ATXN1: variants seen among roughly 807,000 people sequenced by gnomAD.
ATXN1 encodes the protein ataxin 1, also known as ataxin-1.
ATXN1 carries 8 observed loss-of-function variants against 56.4 expected under a neutral mutation model. That is an observed-to-expected ratio of 0.14 (90% CI 0.08 to 0.26). The LOEUF is 0.26. Among genes scored for constraint, ATXN1 ranks in the 10% least tolerant of loss-of-function variants. The pLI, the probability that ATXN1 is intolerant of heterozygous loss-of-function variation, is 1.00. For missense variants in ATXN1, 987 were observed against 1,106.5 expected (o/e 0.89, Z 1.53); for synonymous variants, 514 against 494.6 (o/e 1.04, Z -0.52).
At chr6:16,307,971 T>G (rs1430192673) in intron 7 of ATXN1, among the ~76,000 whole-genome samples, 1 of 152,136 alleles carries the variant, frequency 6.6e-6, no homozygotes, top group East Asian at 1.9e-4. Flanking sequence ...CTGGCTACCA[T>G]GGCAAAACCC....
intron 2 of ATXN1, among the ~76,000 whole-genome samples, chr6:16,745,933 CGTGT>C (rs60773814): frequency 0.23 from 33,359 of 147,020 alleles, 3,912 homozygotes; most frequent in East Asian, 0.38. Flanking sequence ...CTATGCCTTC[CGTGT>C]GTGTGTGTGT....
intron 6 of ATXN1, among the ~76,000 whole-genome samples, chr6:16,447,282 T>C (rs1158442335): frequency 6.6e-6 from 1 of 152,228 alleles, no homozygotes; most frequent in African/African-American, 2.4e-5. Context: ...TAGAGTGCAG[T>C]GGCATGATCT....
At chr6:16,643,496 G>A (rs1002718981) in intron 3 of ATXN1, among the ~76,000 whole-genome samples, 2 of 151,714 alleles carry the variant, frequency 1.3e-5, no homozygotes, top group Admixed American at 1.3e-4. Context: ...AGGTGTTGTC[G>A]TGCACACATG....
At chr6:16,356,656 C>A (rs1269205554) in intron 6 of ATXN1, among the ~76,000 whole-genome samples, 1 of 152,058 alleles carries the variant, frequency 6.6e-6, no homozygotes, top group African/African-American at 2.4e-5. Flanking sequence ...ACAAATGATA[C>A]CAGGAAAGCC....
At chr6:16,343,799 T>C (rs1761312798) in intron 6 of ATXN1, among the ~76,000 whole-genome samples, 1 of 152,200 alleles carries the variant, frequency 6.6e-6, no homozygotes, top group African/African-American at 2.4e-5. Context: ...TACTCAGCTC[T>C]ACCTCTGCAG....
intron 3 of ATXN1, among the ~76,000 whole-genome samples, chr6:16,608,329 G>A (rs1487914267): frequency 6.6e-6 from 1 of 152,178 alleles, no homozygotes; most frequent in Admixed American, 6.5e-5. Context: ...TAAAATAGAA[G>A]TCAATAAATA....
intron 6 of ATXN1, among the ~76,000 whole-genome samples, chr6:16,418,482 C>A: frequency 6.6e-6 from 1 of 152,130 alleles, no homozygotes; most frequent in Admixed American, 6.5e-5. Context: ...CATGTCAAAT[C>A]AAAGAAGGAA....
chr6:16,682,593 G>A (rs1427190295), intron 2 of ATXN1, among the ~76,000 whole-genome samples: 1 of 152,170 alleles, frequency 6.6e-6, no homozygotes, highest in African/African-American at 2.4e-5. Flanking sequence ...AAAGGAACAT[G>A]TAAAAGTGGC....
At chr6:16,539,736 C>A (rs1220728464) in intron 4 of ATXN1, among the ~76,000 whole-genome samples, 1 of 152,202 alleles carries the variant, frequency 6.6e-6, no homozygotes, top group Non-Finnish European at 1.5e-5. Flanking sequence ...CTAGAGTAAC[C>A]TGATGACAAT....
intron 6 of ATXN1, among the ~76,000 whole-genome samples, chr6:16,330,366 A>T (rs1398791554): frequency 6.7e-6 from 1 of 149,520 alleles, no homozygotes; most frequent in Admixed American, 6.7e-5. Context: ...AGAGGGGGCA[A>T]TGATTTTTTT....
intron 2 of ATXN1, among the ~76,000 whole-genome samples, chr6:16,752,108 G>A (rs998872177): frequency 2.0e-5 from 3 of 152,040 alleles, no homozygotes; most frequent in African/African-American, 4.8e-5. Context: ...TGGCTCTTAC[G>A]GTAAAGAGGC....
chr6:16,417,441 A>ATTTTTTTTTTTT lies in ATXN1; in HGVS notation c.-161+68519_-161+68530dup, dbSNP rs1188606545. On this transcript the variant is annotated intron_variant, in intron 6 of 7. Coordinates refer to ENST00000436367, the MANE Select transcript of ATXN1 (RefSeq NM_001128164.2). ...AGAGAGAGGGAGTTACAAGTTTCTTATTTTTTTTTTTTCTTGAGACGGAGT... is the reference window on the plus strand; with the variant it reads ...AGAGAGAGGGAGTTACAAGTTTCTTATTTTTTTTTTTTTTTTTTTTTTTTCTTGAGACGGAGT... 2.3e-4 allele frequency among the ~76,000 whole-genome samples: 32 copies of ATTTTTTTTTTTT among 136,500 alleles called. No individual in the cohort carries two copies. In the South Asian group the frequency reaches 2.7e-3, roughly 11 times the overall value. The allele number at this position is 136,500 out of a possible 152,430, so 89.5% of individuals were successfully genotyped here.
intron 2 of ATXN1, among the ~76,000 whole-genome samples, chr6:16,731,731 A>T (rs1759990702): frequency 6.6e-6 from 1 of 151,776 alleles, no homozygotes; most frequent in Admixed American, 6.6e-5. Context: ...TTTTTATCTA[A>T]TTGTATTGCC....
chr6:16,604,408 A>T (rs1403655666), intron 3 of ATXN1, among the ~76,000 whole-genome samples: 2 of 151,666 alleles, frequency 1.3e-5, no homozygotes, highest in Non-Finnish European at 2.9e-5. Context: ...AGGTGGTAGG[A>T]CCATTGCTTG....
chr6:16,495,600 C>CTTTGGGAG (rs1356346691), intron 5 of ATXN1, among the ~76,000 whole-genome samples: 1 of 152,180 alleles, frequency 6.6e-6, no homozygotes, highest in Non-Finnish European at 1.5e-5. Flanking sequence ...TGGTGGCTTA[C>CTTTGGGAG]GCCTATAATC....
At chr6:16,325,334 T>C (rs561857532) in intron 7 of ATXN1, among the ~76,000 whole-genome samples, 1 of 152,084 alleles carries the variant, frequency 6.6e-6, no homozygotes, top group African/African-American at 2.4e-5. Context: ...GCCAGGCCGG[T>C]CTCGAACTCC....
At chr6:16,572,297 G>C (rs905461390) in intron 4 of ATXN1, among the ~76,000 whole-genome samples, 1 of 152,134 alleles carries the variant, frequency 6.6e-6, no homozygotes, top group Non-Finnish European at 1.5e-5. Flanking sequence ...AAAGGTATAA[G>C]GACTCAACTG....
rs145322177 is a variant in ATXN1 at position 16,727,900 on chromosome 6, C to A, written c.-615+25333G>T. Among the ~76,000 whole-genome samples the A allele has an allele frequency of 1.1e-3, 165 of 152,310 alleles. 2 individuals carry two copies. Among genetic ancestry groups the A allele is most frequent in the African/African-American group, 3.8e-3 (159 of 41,576 alleles). ...CCAGTGGGCACAAAAATAATTTAAG[C>A]CACAACTGACCAACTTGAGACTGCA... On this transcript the variant is annotated intron_variant, in intron 2 of 7. Transcript: ENST00000436367.
intron 6 of ATXN1, among the ~76,000 whole-genome samples, chr6:16,402,724 A>C (rs1229615378): frequency 2.0e-5 from 3 of 152,158 alleles, no homozygotes; most frequent in Non-Finnish European, 4.4e-5. Flanking sequence ...ATTAACCAGG[A>C]GCAGAGAACA....
Sources: allele counts gnomAD v4.1 joint callset (sites outside exome capture counted in the v4.1 genomes callset), GRCh38; gene constraint gnomAD v4.1.1; transcripts MANE v1.5; gene names NCBI Gene and HGNC (gene_info 2026-07-23, HGNC 2026-07-21).